The following CDK17 variants were observed in gnomAD, a reference collection of about 807,000 sequenced individuals.
CDK17 encodes cyclin dependent kinase 17.
Under a neutral mutation model 77.6 loss-of-function variants are expected in CDK17, and 24 were observed. The observed-to-expected ratio is 0.31, with a 90% confidence interval of 0.22 to 0.44. The LOEUF is 0.44. CDK17 is among the 20% of genes least tolerant of loss of function. The probability of loss-of-function intolerance (pLI) is 1.00; values close to 1 mark genes in which losing one functional copy is unlikely to be tolerated. For missense variants in CDK17, 429 were observed against 622.5 expected, an observed-to-expected ratio of 0.69 and a Z score of 3.31; for synonymous variants, 203 against 210.4, an observed-to-expected ratio of 0.96 and a Z score of 0.30.
chr12:96,369,379 A>G (rs945823329), intron 1 of CDK17, among the ~76,000 whole-genome samples: 5 of 152,232 alleles, frequency 3.3e-5, no homozygotes. Context: ...AAAACAAATT[A>G]AGTATTTCTT....
At chr12:96,342,783 G>A (rs750313875) in intron 1 of CDK17, among the ~76,000 whole-genome samples, 1 of 151,958 alleles carries the variant, frequency 6.6e-6, no homozygotes, top group African/African-American at 2.4e-5. Context: ...GATCAACATG[G>A]AGAAACCCCG....
In CDK17 at chr12:96,297,605, TG is replaced by T. The variant is rs1361966157; in HGVS notation, c.810+21del. 3 of 1,410,852 alleles carry T rather than the reference TG, an allele frequency of 2.1e-6. No homozygotes were observed. In the African/African-American group the frequency reaches 4.3e-5, roughly 20 times the overall value. 87.4% of individuals were successfully genotyped at this position (1,410,852 alleles called of 1,614,324 possible). A position where few individuals can be genotyped will look rare whatever the true frequency, so the allele number is the denominator to read the frequency against. On this transcript the variant is annotated intron_variant, in intron 8 of 16. Transcript: ENST00000261211. ...GTTTTTCTAAAGTAAAGTTAAATAC[TG>T]AATTTTTATGAGATGCTTACCAGAT...
intron 1 of CDK17, among the ~76,000 whole-genome samples, chr12:96,350,220 A>G (rs1423736707): frequency 6.6e-6 from 1 of 152,160 alleles, no homozygotes; most frequent in Non-Finnish European, 1.5e-5. Flanking sequence ...TGCAATCTCT[A>G]TCAAAATTTC....
rs368163434 is a variant in CDK17, at chr12:96,311,033, T to C, written c.543+19A>G. The C allele has an allele frequency of 2.3e-4, 366 of 1,593,864 alleles. No individual in the cohort carries two copies. The highest frequency in any genetic ancestry group is 2.9e-4 in the Non-Finnish European group (344 of 1,174,160). On this transcript the variant is annotated intron_variant, in intron 5 of 16. Transcript: ENST00000261211. ...GCAGATCTGATTGATGGTGGAGGTATAGGAGACCAAAAACTTACTAAGGAA... is the reference window on the plus strand; with the variant it reads ...GCAGATCTGATTGATGGTGGAGGTACAGGAGACCAAAAACTTACTAAGGAA...
intron 5 of CDK17, 100 bp from the exon 6 acceptor site, chr12:96,300,460 A>G: frequency 7.3e-6 from 5 of 684,872 alleles, no homozygotes; most frequent in Non-Finnish European, 1.2e-5. Flanking sequence ...GCAGCGGCAC[A>G]ATCTTGGCTT....
chr12:96,316,488 C>G (rs992770283), intron 3 of CDK17, among the ~76,000 whole-genome samples: 4 of 148,828 alleles, frequency 2.7e-5, no homozygotes, highest in African/African-American at 1.0e-4. Context: ...TTTGTAGGCT[C>G]CACCTCTGGG....
intron 1 of CDK17, among the ~76,000 whole-genome samples, chr12:96,368,868 C>G (rs1953642490): frequency 7.1e-6 from 1 of 140,474 alleles, no homozygotes; most frequent in African/African-American, 2.6e-5. Context: ...AGTCCCAAAC[C>G]CTAGGTAACT....
At chr12:96,375,510 CTTTTT>C (rs34451499) in intron 1 of CDK17, among the ~76,000 whole-genome samples, 2 of 101,574 alleles carry the variant, frequency 2.0e-5, no homozygotes, top group East Asian at 6.3e-4. Context: ...TGATCCTAAC[CTTTTT>C]TTTTTTTTTT....
At chr12:96,398,027 TTTA>T (rs1486068591) in intron 1 of CDK17, among the ~76,000 whole-genome samples, 2 of 152,206 alleles carry the variant, frequency 1.3e-5, no homozygotes, top group Non-Finnish European at 2.9e-5. Flanking sequence ...AGGCTTTGCT[TTTA>T]TTTTCTTTCC....
chr12:96,341,159 C>T (rs553458238), intron 1 of CDK17, among the ~76,000 whole-genome samples: 29 of 152,146 alleles, frequency 1.9e-4, no homozygotes, highest in African/African-American at 6.0e-4. Flanking sequence ...CATCATCCTA[C>T]GCTATTGTTT....
chr12:96,353,301 G>C (rs191457733), intron 1 of CDK17, among the ~76,000 whole-genome samples: 3 of 152,210 alleles, frequency 2.0e-5, no homozygotes, highest in Non-Finnish European at 4.4e-5. Context: ...AATAAATGTA[G>C]CTATACGTCA....
At chr12:96,396,372 G>A (rs1251314592) in intron 1 of CDK17, among the ~76,000 whole-genome samples, 1 of 152,214 alleles carries the variant, frequency 6.6e-6, no homozygotes, top group African/African-American at 2.4e-5. Flanking sequence ...TTAAAAGCCA[G>A]TCTAACTGGT....
intron 3 of CDK17, among the ~76,000 whole-genome samples, chr12:96,318,254 C>T (rs1952761229): frequency 6.6e-6 from 1 of 151,928 alleles, no homozygotes; most frequent in East Asian, 1.9e-4. Flanking sequence ...GCTAACTATC[C>T]TAAATATATA....
chr12:96,380,185 CA>C (rs375097170), intron 1 of CDK17, among the ~76,000 whole-genome samples: 31,841 of 133,468 alleles, frequency 0.24, 4,347 homozygotes, highest in Middle Eastern at 0.33. Flanking sequence ...AAAAAAAAAA[CA>C]AAAAAAAAAC....
intron 11 of CDK17, among the ~76,000 whole-genome samples, chr12:96,288,809 A>G (rs1952279376): frequency 6.6e-6 from 1 of 152,192 alleles, no homozygotes; most frequent in Non-Finnish European, 1.5e-5. Context: ...TTTTGTTTTA[A>G]ATTACTATGT....
intron 1 of CDK17, among the ~76,000 whole-genome samples, chr12:96,355,353 G>C (rs1953376880): frequency 1.4e-5 from 2 of 145,848 alleles, no homozygotes; most frequent in Non-Finnish European, 3.0e-5. Context: ...CCCCTTAACT[G>C]CTTTAATTTT....
chr12:96,354,166 G>A (rs999449702), intron 1 of CDK17, among the ~76,000 whole-genome samples: 2 of 152,190 alleles, frequency 1.3e-5, no homozygotes, highest in Admixed American at 6.5e-5. Flanking sequence ...AACAGAGCCT[G>A]AAGAGGCTCA....
chr12:96,315,613 G>GA (rs750922668), intron 3 of CDK17, among the ~76,000 whole-genome samples: 1 of 152,098 alleles, frequency 6.6e-6, no homozygotes, highest in Non-Finnish European at 1.5e-5. Flanking sequence ...AGTGAGATAT[G>GA]AAAATCTCCC....
rs561306641 is a variant in CDK17 at position 96,316,685 on chromosome 12, C to A, written c.284-3231G>T. Among the ~76,000 whole-genome samples the A allele has an allele frequency of 1.5e-4, 19 of 127,160 alleles. 2 individuals carry two copies. Among genetic ancestry groups the A allele is most frequent in the Non-Finnish European group, 2.3e-4 (14 of 59,612 alleles). 83.4% of individuals were successfully genotyped at this position (127,160 alleles called of 152,430 possible). On this transcript the variant is annotated intron_variant, in intron 3 of 16. Coordinates refer to ENST00000261211, the MANE Select transcript of CDK17 (RefSeq NM_002595.5). ...AGCAGCCTAACTGTGAGGCACCCCC[C>A]AGCAGGGGCACACTGACACCTCACA...
Sources: allele counts gnomAD v4.1 joint callset (sites outside exome capture counted in the v4.1 genomes callset), GRCh38; gene constraint gnomAD v4.1.1; transcripts MANE v1.5; gene names NCBI Gene and HGNC (gene_info 2026-07-23, HGNC 2026-07-21).